Variants in MYO18B observed in about 807,000 individuals in gnomAD.
The protein encoded by MYO18B is myosin XVIIIB, also known as unconventional myosin-XVIIIb.
Under a neutral mutation model 273.0 loss-of-function variants are expected in MYO18B, and 204 were observed. That is an observed-to-expected ratio of 0.75 (90% confidence interval 0.67 to 0.84). The LOEUF (loss-of-function observed/expected upper bound fraction) is 0.84. Among genes scored for constraint, MYO18B ranks in the 40% least tolerant of loss-of-function variants. MYO18B has a pLI of 0.00. For synonymous variants in MYO18B, 1,330 were observed against 1,305.7 expected (o/e 1.02, Z -0.40); for missense variants, 3,212 against 3,287.6 (o/e 0.98, Z 0.56).
chr22:25,842,470 C>T (rs1056194890), intron 17 of MYO18B, among the ~76,000 whole-genome samples: 2 of 151,862 alleles, frequency 1.3e-5, no homozygotes, highest in African/African-American at 2.4e-5. Context: ...GTCAGGAGTT[C>T]GAGACCAGCC....
intron 37 of MYO18B, 70 bp from the exon 38 acceptor site, chr22:25,952,216 G>T (rs2092800466): frequency 1.3e-6 from 2 of 1,547,624 alleles, no homozygotes; most frequent in Admixed American, 1.9e-5. Flanking sequence ...TCCCAGGCTG[G>T]GTCCTGCACA....
At chr22:25,911,518 A>G (rs975548233) in intron 33 of MYO18B, among the ~76,000 whole-genome samples, 1 of 152,178 alleles carries the variant, frequency 6.6e-6, no homozygotes, top group Non-Finnish European at 1.5e-5. Flanking sequence ...GTGGAGCCTT[A>G]TGGGGTTGTG....
intron 39 of MYO18B, among the ~76,000 whole-genome samples, chr22:25,985,486 G>A (rs146850534): frequency 7.7e-4 from 118 of 152,292 alleles, no homozygotes; most frequent in African/African-American, 2.6e-3. Flanking sequence ...TCCTGCTGGA[G>A]ACTGGGCATA....
At chr22:25,940,718 C>T (rs2092633760) in intron 34 of MYO18B, among the ~76,000 whole-genome samples, 1 of 152,190 alleles carries the variant, frequency 6.6e-6, no homozygotes, top group African/African-American at 2.4e-5. Context: ...TCTCATCTTA[C>T]CCCTGTGAAC....
chr22:25,765,920 C>T (rs1057465588), intron 3 of MYO18B, among the ~76,000 whole-genome samples: 1 of 152,200 alleles, frequency 6.6e-6, no homozygotes, highest in African/African-American at 2.4e-5. Context: ...GTCAATCCCC[C>T]TTCCAAGGCT....
At chr22:25,799,583 T>C (rs2088094949) in intron 12 of MYO18B, among the ~76,000 whole-genome samples, 1 of 152,230 alleles carries the variant, frequency 6.6e-6, no homozygotes, top group Non-Finnish European at 1.5e-5. Flanking sequence ...CCTGGGACTG[T>C]GCATGGATTC....
intron 2 of MYO18B, 126 bp from the exon 3 acceptor site, chr22:25,763,105 C>G: frequency 8.9e-7 from 1 of 1,124,656 alleles, no homozygotes; most frequent in South Asian, 1.2e-5. Flanking sequence ...TGTGGCTTCT[C>G]ATACATGGGC....
At chr22:25,789,069 CCTCCTCCT>C in intron 11 of MYO18B, among the ~76,000 whole-genome samples, 1 of 4,046 alleles carries the variant, frequency 2.5e-4, no homozygotes, top group Admixed American at 5.7e-3. Context: ...TTCTCCTCCT[CCTCCTCCT>C]TCTTCTTCCT....
chr22:25,924,484 A>C (rs1302305325), intron 34 of MYO18B, among the ~76,000 whole-genome samples: 1 of 152,246 alleles, frequency 6.6e-6, no homozygotes, highest in East Asian at 1.9e-4. Flanking sequence ...ACAAACAATG[A>C]TACGAATAAA....
intron 1 of MYO18B, chr22:25,756,499 G>T (rs2146565191): frequency 6.6e-6 from 1 of 152,350 alleles, no homozygotes; most frequent in South Asian, 2.1e-4. Context: ...CTGATTTGTA[G>T]CATTTGCCAA....
rs769169709 is a variant in MYO18B at position 25,843,932 on chromosome 22, T to TG, written c.3368+40dup. The stretch of plus-strand genomic sequence containing the variant: ...AGGGTTGGGGACGGGGATGGAGCAT[T>TG]GGAGGCACTGTGTTTTCCTTCCCAC... On this transcript the variant is annotated intron_variant, in intron 18 of 43. Coordinates refer to ENST00000335473, the MANE Select transcript of MYO18B (RefSeq NM_032608.7). The TG allele has an allele frequency of 6.3e-6, 10 of 1,578,408 alleles. No individual in the cohort carries two copies. The South Asian group carries it at 1.1e-4, about 18-fold the overall frequency.
intron 40 of MYO18B, among the ~76,000 whole-genome samples, chr22:25,995,686 C>T (rs1933160055): frequency 6.6e-6 from 1 of 152,190 alleles, no homozygotes; most frequent in African/African-American, 2.4e-5. Context: ...GAAATCCCCT[C>T]TGGCTTTAAA....
At chr22:25,783,424 A>G (rs1402726230) in intron 10 of MYO18B, among the ~76,000 whole-genome samples, 1 of 152,228 alleles carries the variant, frequency 6.6e-6, no homozygotes, top group Non-Finnish European at 1.5e-5. Flanking sequence ...TGGGCCCTGA[A>G]CATAGGAATC....
At chr22:25,930,369 AC>A (rs2092481258) in intron 34 of MYO18B, among the ~76,000 whole-genome samples, 1 of 152,018 alleles carries the variant, frequency 6.6e-6, no homozygotes, top group South Asian at 2.1e-4. Context: ...AGCCAAAGTC[AC>A]AAAGGTAATT....
chr22:25,997,968 C>CG (rs1933493631), intron 40 of MYO18B, among the ~76,000 whole-genome samples: 2 of 125,882 alleles, frequency 1.6e-5, no homozygotes, highest in Admixed American at 7.5e-5. Flanking sequence ...AACACACACA[C>CG]ACACACACAC....
chr22:25,933,286 G>GC (rs1467306643), intron 34 of MYO18B, among the ~76,000 whole-genome samples: 2 of 152,180 alleles, frequency 1.3e-5, no homozygotes, highest in Non-Finnish European at 2.9e-5. Flanking sequence ...TGTCATCCTA[G>GC]CACCAGTGTC....
At chr22:25,808,585 C>T (rs8184969) in intron 12 of MYO18B, among the ~76,000 whole-genome samples, 3,228 of 152,260 alleles carry the variant, frequency 0.021, 76 homozygotes, top group East Asian at 0.1. Context: ...CTGAGAGCGC[C>T]TCCTCAGCTC....
At chr22:25,893,723 A>G (rs1175707932) in intron 27 of MYO18B, among the ~76,000 whole-genome samples, 1 of 151,940 alleles carries the variant, frequency 6.6e-6, no homozygotes, top group East Asian at 1.9e-4. Flanking sequence ...TATTGAGGTC[A>G]CCTCTTTCAA....
At chr22:25,936,294 G>A (rs1202993914) in intron 34 of MYO18B, among the ~76,000 whole-genome samples, 1 of 152,170 alleles carries the variant, frequency 6.6e-6, no homozygotes, top group African/African-American at 2.4e-5. Flanking sequence ...AGCTTTTGAA[G>A]TCTGTTCAGT....
Sources: allele counts gnomAD v4.1 joint callset (sites outside exome capture counted in the v4.1 genomes callset), GRCh38; gene constraint gnomAD v4.1.1; transcripts MANE v1.5; gene names NCBI Gene and HGNC (gene_info 2026-07-23, HGNC 2026-07-21).